Variants in PARD3 observed in about 807,000 individuals in gnomAD.
The protein encoded by PARD3 is par-3 family cell polarity regulator.
A neutral mutation model predicts 155.4 loss-of-function variants in PARD3; 75 were observed. The observed-to-expected ratio is 0.48, with a 90% CI of 0.40 to 0.58. The LOEUF (loss-of-function observed/expected upper bound fraction) is 0.58, where lower values mean the gene tolerates loss of function less well. PARD3 is among the 20% of genes least tolerant of loss of function. PARD3 has a pLI of 0.00. For missense variants in PARD3, 1,642 were observed against 1,721.7 expected, an observed-to-expected ratio of 0.95 and a Z score of 0.82; for synonymous variants, 576 against 610.5, an observed-to-expected ratio of 0.94 and a Z score of 0.83.
chr10:34,797,413 A>G (rs747221347), intron 1 of PARD3, among the ~76,000 whole-genome samples: 10 of 152,148 alleles, frequency 6.6e-5, no homozygotes, highest in Non-Finnish European at 8.8e-5. Context: ...CAGTCTCCCA[A>G]CGTGCTGGAA....
intron 11 of PARD3, 41 bp from the exon 12 acceptor site, chr10:34,372,577 A>G (rs754025501): frequency 4.1e-6 from 6 of 1,453,754 alleles, no homozygotes; most frequent in Non-Finnish European, 5.8e-6. Context: ...GACTGACCAA[A>G]GCCATCTTCA....
intron 2 of PARD3, among the ~76,000 whole-genome samples, chr10:34,532,903 G>A (rs1395450628): frequency 1.3e-5 from 2 of 152,112 alleles, no homozygotes; most frequent in African/African-American, 4.8e-5. Context: ...TCATTGTTGT[G>A]TGAACATCAT....
intron 22 of PARD3, among the ~76,000 whole-genome samples, chr10:34,192,739 A>T (rs1950768930): frequency 6.6e-6 from 1 of 152,114 alleles, no homozygotes; most frequent in African/African-American, 2.4e-5. Context: ...AATGTTCTTA[A>T]GATCCAGGGA....
chr10:34,257,695 C>G (rs1343487995), intron 22 of PARD3, among the ~76,000 whole-genome samples: 1 of 152,224 alleles, frequency 6.6e-6, no homozygotes, highest in Non-Finnish European at 1.5e-5. Flanking sequence ...AATATTTAAA[C>G]TTCCTCTAAG....
At chr10:34,446,891 TATG>T (rs1276775022) in intron 5 of PARD3, among the ~76,000 whole-genome samples, 1 of 152,250 alleles carries the variant, frequency 6.6e-6, no homozygotes, top group Non-Finnish European at 1.5e-5. Context: ...GTAAAACATT[TATG>T]ATTTCTTTCT....
chr10:34,202,934 T>A (rs1321727086), intron 22 of PARD3, among the ~76,000 whole-genome samples: 3 of 152,168 alleles, frequency 2.0e-5, no homozygotes, highest in Non-Finnish European at 2.9e-5. Context: ...TGGCTGTGAT[T>A]GAGAAGCAGC....
chr10:34,767,149 G>A (rs1838204078), intron 1 of PARD3, among the ~76,000 whole-genome samples: 1 of 152,154 alleles, frequency 6.6e-6, no homozygotes, highest in Non-Finnish European at 1.5e-5. Context: ...CCCACTATGG[G>A]CCCAAGGCTG....
At chr10:34,179,249 C>T (rs898890552) in intron 22 of PARD3, among the ~76,000 whole-genome samples, 14 of 152,212 alleles carry the variant, frequency 9.2e-5, no homozygotes, top group African/African-American at 2.4e-4. Flanking sequence ...GTCACAGAGG[C>T]CCTAAGTGGA....
At chr10:34,649,437 T>C (rs1177791237) in intron 2 of PARD3, among the ~76,000 whole-genome samples, 2 of 152,238 alleles carry the variant, frequency 1.3e-5, no homozygotes, top group African/African-American at 2.4e-5. Flanking sequence ...CTGTACAACG[T>C]GTTATTGTCT....
At chr10:34,258,541 G>C (rs958801141) in intron 22 of PARD3, among the ~76,000 whole-genome samples, 1 of 152,198 alleles carries the variant, frequency 6.6e-6, no homozygotes, top group Admixed American at 6.5e-5. Context: ...TCAGGTGACT[G>C]ATAGGCACAG....
intron 2 of PARD3, among the ~76,000 whole-genome samples, chr10:34,586,381 A>C (rs2088048681): frequency 6.6e-6 from 1 of 152,174 alleles, no homozygotes; most frequent in Non-Finnish European, 1.5e-5. Context: ...CATTTCTGTG[A>C]CTTCCATAAG....
At chr10:34,615,203 C>A (rs1431703216) in intron 2 of PARD3, among the ~76,000 whole-genome samples, 1 of 151,878 alleles carries the variant, frequency 6.6e-6, no homozygotes, top group Non-Finnish European at 1.5e-5. Context: ...AAAACAAAAA[C>A]AAACAAAAAA....
chr10:34,241,009 G>A (rs1953553943), intron 22 of PARD3, among the ~76,000 whole-genome samples: 1 of 152,168 alleles, frequency 6.6e-6, no homozygotes, highest in East Asian at 1.9e-4. Flanking sequence ...CAGCTTTACA[G>A]GACAGATGGG....
chr10:34,798,225 A>T (rs1250331463), intron 1 of PARD3, among the ~76,000 whole-genome samples: 1 of 152,156 alleles, frequency 6.6e-6, no homozygotes, highest in African/African-American at 2.4e-5. Context: ...GCTACTCAGG[A>T]GGCTGAGGCA....
At chr10:34,134,132 T>C (rs1043472589) in intron 22 of PARD3, among the ~76,000 whole-genome samples, 1 of 152,196 alleles carries the variant, frequency 6.6e-6, no homozygotes, top group African/African-American at 2.4e-5. Context: ...ATATATAGTG[T>C]CCTATATTGT....
At chr10:34,224,200 T>G (rs1377815781) in intron 22 of PARD3, among the ~76,000 whole-genome samples, 2 of 152,212 alleles carry the variant, frequency 1.3e-5, no homozygotes, top group Non-Finnish European at 1.5e-5. Flanking sequence ...TAAAAGCTTT[T>G]CATAAGACAC....
At chr10:34,334,876 TTA>T (rs1835998380) in intron 18 of PARD3, among the ~76,000 whole-genome samples, 1 of 151,896 alleles carries the variant, frequency 6.6e-6, no homozygotes, top group Non-Finnish European at 1.5e-5. Flanking sequence ...TTGGATATCA[TTA>T]TGTTGTAGAT....
At chr10:34,807,053 G>A (rs750274529) in intron 1 of PARD3, among the ~76,000 whole-genome samples, 22 of 152,190 alleles carry the variant, frequency 1.4e-4, no homozygotes, top group Non-Finnish European at 2.2e-4. Context: ...GGTAGCTGGC[G>A]AGCTGGGTAG....
chr10:34,658,552 T>C lies in PARD3; in HGVS notation c.222+37766A>G, dbSNP rs1048195185. On this transcript the variant is annotated intron_variant, in intron 2 of 24. Coordinates refer to ENST00000374788, the MANE Select transcript of PARD3 (RefSeq NM_001184785.2). ...TGGGGCTGAGGCTGAGGCTGAGGCA[T>C]GAGGAGCTTAGCAGAAGGACCTCGG... 2.6e-5 allele frequency among the ~76,000 whole-genome samples: 4 copies of C among 151,926 alleles called. No individual in the cohort carries two copies. In the South Asian group the frequency reaches 6.2e-4, roughly 24 times the overall value.
Sources: gnomAD v4.1 joint callset for allele counts (sites outside exome capture counted in the v4.1 genomes callset) on GRCh38, gnomAD v4.1.1 for gene constraint, MANE v1.5 for transcripts, NCBI Gene and HGNC (gene_info 2026-07-23, HGNC 2026-07-21) for gene names.